Variants in MAML3 observed in about 807,000 individuals in gnomAD.
MAML3 encodes mastermind like transcriptional coactivator 3.
MAML3 carries 27 observed loss-of-function variants against 101.9 expected under a neutral mutation model. The observed-to-expected ratio is 0.27, with a 90% CI of 0.20 to 0.37. The LOEUF (loss-of-function observed/expected upper bound fraction) is 0.37, where lower values mean the gene tolerates loss of function less well. MAML3 is among the 10% of genes least tolerant of loss of function. The pLI is 1.00. For missense variants in MAML3, 1,316 were observed against 1,444.9 expected, an observed-to-expected ratio of 0.91 and a Z score of 1.45; for synonymous variants, 501 against 555.9, an observed-to-expected ratio of 0.90 and a Z score of 1.39.
At chr4:139,790,521 A>G (rs2111090707) in intron 2 of MAML3, among the ~76,000 whole-genome samples, 1 of 151,912 alleles carries the variant, frequency 6.6e-6, no homozygotes, top group Non-Finnish European at 1.5e-5. Flanking sequence ...CCAAATAGAA[A>G]CTGTATCCAT....
chr4:140,122,583 G>C (rs566408688), intron 1 of MAML3, among the ~76,000 whole-genome samples: 1 of 151,844 alleles, frequency 6.6e-6, no homozygotes, highest in South Asian at 2.1e-4. Flanking sequence ...ACGAGGTCAG[G>C]AGATCGAGAC....
chr4:140,081,106 CTG>C (rs1727855438), intron 1 of MAML3, among the ~76,000 whole-genome samples: 1 of 152,196 alleles, frequency 6.6e-6, no homozygotes, highest in Non-Finnish European at 1.5e-5. Flanking sequence ...GTTTGAATAT[CTG>C]TGGTTATAGC....
chr4:140,071,755 T>TAGAGAGAGGGAG (rs1727657941), intron 1 of MAML3, among the ~76,000 whole-genome samples: 1 of 137,270 alleles, frequency 7.3e-6, no homozygotes, highest in Non-Finnish European at 1.6e-5. Context: ...GGACCAGGAT[T>TAGAGAGAGGGAG]AGAGAGAGAG....
chr4:139,961,655 G>A (rs544274965), intron 1 of MAML3, among the ~76,000 whole-genome samples: 66 of 152,296 alleles, frequency 4.3e-4, no homozygotes, highest in Non-Finnish European at 6.9e-4. Context: ...CTGTTTTCAC[G>A]TGTGACTTCC....
intron 1 of MAML3, among the ~76,000 whole-genome samples, chr4:140,034,492 T>C (rs1454735778): frequency 6.6e-6 from 1 of 152,090 alleles, no homozygotes; most frequent in African/African-American, 2.4e-5. Flanking sequence ...AGAACAAGGA[T>C]CAGAAGGAAA....
intron 1 of MAML3, among the ~76,000 whole-genome samples, chr4:140,083,355 T>C (rs1376475379): frequency 6.6e-6 from 1 of 152,244 alleles, no homozygotes; most frequent in Admixed American, 6.5e-5. Context: ...TGGTTGCTGC[T>C]CTGCAAATGA....
chr4:139,867,348 G>GA (rs1004248412), intron 2 of MAML3, among the ~76,000 whole-genome samples: 7 of 151,820 alleles, frequency 4.6e-5, no homozygotes, highest in African/African-American at 1.5e-4. Context: ...ACTTCAAAAA[G>GA]AAAAAAAAGT....
rs941707021 is a variant in MAML3, at chr4:140,121,568, G to A, written c.468+31292C>T. Among the ~76,000 whole-genome samples, 9 of 152,170 alleles carry A rather than the reference G, an allele frequency of 5.9e-5. No homozygotes were observed. In the East Asian group the frequency reaches 1.2e-3, roughly 20 times the overall value. ...TATACTAGCCACTGATTTAGCCTAC[G>A]CTGATACTCAATATGGCAAAGCAAA... On this transcript the variant is annotated intron_variant, in intron 1 of 4. Transcript: ENST00000509479.
At chr4:139,913,685 T>C (rs888202843) in intron 1 of MAML3, among the ~76,000 whole-genome samples, 12 of 152,172 alleles carry the variant, frequency 7.9e-5, no homozygotes, top group African/African-American at 2.9e-4. Context: ...CTGATTTCAG[T>C]GCAAGACAAG....
At chr4:139,903,518 C>T (rs1732766030) in intron 1 of MAML3, among the ~76,000 whole-genome samples, 2 of 152,180 alleles carry the variant, frequency 1.3e-5, no homozygotes, top group South Asian at 4.1e-4. Context: ...CCTATGAAGC[C>T]AGTGCTCATG....
At chr4:139,964,614 A>G (rs1401467555) in intron 1 of MAML3, among the ~76,000 whole-genome samples, 2 of 152,214 alleles carry the variant, frequency 1.3e-5, no homozygotes, top group African/African-American at 4.8e-5. Flanking sequence ...ATTTGTGGTA[A>G]CTGCCACAAA....
rs56928318 is a variant in MAML3 at position 139,864,923 on chromosome 4, C to CTTGTTTTTTTTTTTTTTT, written c.2079+24433_2079+24434insAAAAAAAAAAAAAAACAA. ...TTAGGAAAATAGTAATGCAAACTTG[C>CTTGTTTTTTTTTTTTTTT]TTTTTTTTTTTTTTTTTTTTTTTTT... On this transcript the variant is annotated intron_variant, in intron 2 of 4. Coordinates refer to ENST00000509479, the MANE Select transcript of MAML3 (RefSeq NM_018717.5). 3.2e-5 allele frequency among the ~76,000 whole-genome samples: 2 copies of CTTGTTTTTTTTTTTTTTT among 62,456 alleles called. 1 individual carries two copies. The allele number at this position is 62,456 out of a possible 152,430, so 41.0% of individuals were successfully genotyped here.
At chr4:140,002,476 G>A (rs998204784) in intron 1 of MAML3, among the ~76,000 whole-genome samples, 2 of 152,170 alleles carry the variant, frequency 1.3e-5, no homozygotes, top group African/African-American at 2.4e-5. Flanking sequence ...AATAAGTCAC[G>A]ATGGGAAACA....
chr4:139,900,899 C>T (rs1732706186), intron 1 of MAML3, among the ~76,000 whole-genome samples: 1 of 152,172 alleles, frequency 6.6e-6, no homozygotes, highest in African/African-American at 2.4e-5. Context: ...TCGATTAACC[C>T]TCACAATAAC....
chr4:140,004,164 G>A (rs1310620146), intron 1 of MAML3, among the ~76,000 whole-genome samples: 1 of 152,208 alleles, frequency 6.6e-6, no homozygotes, highest in African/African-American at 2.4e-5. Context: ...AAATTCACAA[G>A]GCATTTGTTG....
intron 2 of MAML3, among the ~76,000 whole-genome samples, chr4:139,846,217 A>G (rs184317806): frequency 7.4e-4 from 112 of 152,302 alleles, no homozygotes; most frequent in African/African-American, 2.7e-3. Context: ...ACTGTACTTT[A>G]TTTTTATTTT....
At chr4:139,881,845 C>A (rs1732226885) in intron 2 of MAML3, among the ~76,000 whole-genome samples, 1 of 152,100 alleles carries the variant, frequency 6.6e-6, no homozygotes, top group East Asian at 1.9e-4. Flanking sequence ...GGACAACAGG[C>A]ATGCATCACC....
At chr4:139,770,771 G>A (rs1729959304) in intron 2 of MAML3, among the ~76,000 whole-genome samples, 1 of 152,296 alleles carries the variant, frequency 6.6e-6, no homozygotes, top group Non-Finnish European at 1.5e-5. Flanking sequence ...CCAATAAAAT[G>A]TTACACAGTA....
At chr4:139,801,743 G>A (rs1052987527) in intron 2 of MAML3, among the ~76,000 whole-genome samples, 1 of 151,938 alleles carries the variant, frequency 6.6e-6, no homozygotes, top group East Asian at 1.9e-4. Flanking sequence ...TGTGTCTTTG[G>A]AACTTACGGG....
Sources: gnomAD v4.1 joint callset for allele counts (sites outside exome capture counted in the v4.1 genomes callset) on GRCh38, gnomAD v4.1.1 for gene constraint, MANE v1.5 for transcripts, NCBI Gene and HGNC (gene_info 2026-07-23, HGNC 2026-07-21) for gene names.